The following NELL1 variants were observed in gnomAD, a reference collection of about 807,000 sequenced individuals.
The protein encoded by NELL1 is protein kinase C-binding protein NELL1.
Under a neutral mutation model 107.4 loss-of-function variants are expected in NELL1, and 76 were observed. The ratio of observed to expected loss-of-function variants is 0.71; its 90% CI spans 0.59 to 0.86. NELL1 has a LOEUF of 0.86. Among genes scored for constraint, NELL1 ranks in the 40% least tolerant of loss-of-function variants. The pLI is 0.00. For missense variants in NELL1, 1,024 were observed against 1,005.5 expected (o/e 1.02, Z -0.25); for synonymous variants, 353 against 341.2 (o/e 1.03, Z -0.38).
At chr11:20,722,119 C>T (rs1855405508) in intron 2 of NELL1, among the ~76,000 whole-genome samples, 2 of 150,994 alleles carry the variant, frequency 1.3e-5, no homozygotes, top group South Asian at 4.2e-4. Flanking sequence ...CTCCCAGGTT[C>T]AAGTGATCCT....
At chr11:21,362,939 T>C (rs769797801) in intron 14 of NELL1, among the ~76,000 whole-genome samples, 8 of 152,114 alleles carry the variant, frequency 5.3e-5, no homozygotes, top group Non-Finnish European at 8.8e-5. Flanking sequence ...TGCTGTGTTA[T>C]ATGGTTCATC....
rs936566577 is a variant in NELL1, at chr11:20,726,556, A to C, written c.184+48496A>C. Among the ~76,000 whole-genome samples the C allele has an allele frequency of 5.3e-5, 8 of 152,144 alleles. No individual in the cohort carries two copies. In the South Asian group the frequency reaches 6.2e-4, roughly 12 times the overall value. ...TCTTTGTTCCTGCTTTAAAAAAAAA[A>C]CACTCAATATTATGTTAATACAATC... is the stretch of plus-strand genomic sequence containing the variant. On this transcript the variant is annotated intron_variant, in intron 2 of 19. Transcript: ENST00000357134.
chr11:21,097,408 CA>C (rs912702290), intron 12 of NELL1, among the ~76,000 whole-genome samples: 30 of 152,156 alleles, frequency 2.0e-4, no homozygotes, highest in African/African-American at 7.2e-4. Flanking sequence ...CAAAGGACAC[CA>C]GGGGGTTTTT....
intron 12 of NELL1, among the ~76,000 whole-genome samples, chr11:21,020,813 G>A (rs569423824): frequency 6.6e-6 from 1 of 151,828 alleles, no homozygotes. Flanking sequence ...TCCCTTTCCT[G>A]CTCAGAAGAG....
At chr11:21,565,129 A>G (rs79905707) in intron 17 of NELL1, among the ~76,000 whole-genome samples, 1,677 of 152,018 alleles carry the variant, frequency 0.011, 29 homozygotes, top group African/African-American at 0.039. Flanking sequence ...TTTGAACCCA[A>G]CTAGCAGCAT....
At chr11:21,009,930 C>T (rs571140023) in intron 12 of NELL1, among the ~76,000 whole-genome samples, 1 of 143,494 alleles carries the variant, frequency 7.0e-6, no homozygotes, top group South Asian at 2.4e-4. Context: ...ACCATCAGCA[C>T]CCCCTCCCCC....
rs1564931191 is a variant in NELL1 at position 21,508,741 on chromosome 11, A to C, written c.1646-25633A>C. Among the ~76,000 whole-genome samples the C allele has an allele frequency of 3.3e-5, 5 of 152,104 alleles. No homozygotes were observed. The South Asian group carries it at 1.0e-3, about 31-fold the overall frequency. Reference sequence around the variant, plus strand: ...TTATGTTTAATGATATAAGAACAAAATATGAAGAATCATCTCAAATAGAAA... The same window carrying C: ...TTATGTTTAATGATATAAGAACAAACTATGAAGAATCATCTCAAATAGAAA... On this transcript the variant is annotated intron_variant, in intron 15 of 19. Transcript: ENST00000357134.
At chr11:20,854,765 C>T (rs1848851845) in intron 4 of NELL1, among the ~76,000 whole-genome samples, 3 of 152,148 alleles carry the variant, frequency 2.0e-5, no homozygotes, top group South Asian at 4.2e-4. Context: ...AGCTCGGTGA[C>T]CTACAAGACA....
intron 12 of NELL1, among the ~76,000 whole-genome samples, chr11:20,990,580 G>A (rs1468836748): frequency 6.6e-6 from 1 of 152,094 alleles, no homozygotes; most frequent in Non-Finnish European, 1.5e-5. Context: ...TTGCATAATA[G>A]ATACCCAGCT....
intron 12 of NELL1, among the ~76,000 whole-genome samples, chr11:20,991,202 C>T (rs547932065): frequency 6.6e-6 from 1 of 152,214 alleles, no homozygotes; most frequent in African/African-American, 2.4e-5. Flanking sequence ...TTCCCTGTCT[C>T]ATTATTCCTG....
intron 12 of NELL1, among the ~76,000 whole-genome samples, chr11:21,077,796 A>G (rs1249985030): frequency 1.3e-5 from 2 of 152,010 alleles, no homozygotes; most frequent in Non-Finnish European, 2.9e-5. Flanking sequence ...ATAAATAAAT[A>G]ACATATTACA....
intron 14 of NELL1, among the ~76,000 whole-genome samples, chr11:21,258,793 T>C (rs1012403403): frequency 5.3e-5 from 8 of 152,036 alleles, no homozygotes; most frequent in African/African-American, 1.4e-4. Flanking sequence ...TTACACTTTA[T>C]GAATCCATTT....
intron 13 of NELL1, among the ~76,000 whole-genome samples, chr11:21,147,103 G>A (rs1374502418): frequency 6.6e-6 from 1 of 152,174 alleles, no homozygotes; most frequent in East Asian, 1.9e-4. Context: ...GATGCATTAG[G>A]CTTCTAAAAG....
At chr11:21,222,268 C>T (rs1857776665) in intron 13 of NELL1, among the ~76,000 whole-genome samples, 3 of 152,134 alleles carry the variant, frequency 2.0e-5, no homozygotes, top group Admixed American at 2.0e-4. Context: ...CAAGCTCTGC[C>T]TCCCAGGTTC....
In NELL1 at chr11:20,960,529, C is replaced by T. The variant is rs577266633; in HGVS notation, c.1269C>T (p.Ile423=). 1 of 1,613,996 alleles carries T rather than the reference C, an allele frequency of 6.2e-7. No homozygotes were observed. Among genetic ancestry groups the T allele is most frequent in the Admixed American group, 1.7e-5 (1 of 60,004 alleles). The change falls in exon 12 of 20, where the codon ATC becomes ATT. Residue 423 remains isoleucine, a synonymous_variant. Coordinates refer to ENST00000357134, the MANE Select transcript of NELL1 (RefSeq NM_006157.5). ...CTTGTGAGTGCAAGAGTGGTTACATCTCTGTCCAGGGAGACTCTGCCTACT... is the reference window on the plus strand; with the variant it reads ...CTTGTGAGTGCAAGAGTGGTTACATTTCTGTCCAGGGAGACTCTGCCTACT... ...KATCECKSGY[I]SVQGDSAYCE...
intron 7 of NELL1, among the ~76,000 whole-genome samples, chr11:20,926,436 A>C (rs1213089366): frequency 1.3e-5 from 2 of 152,260 alleles, no homozygotes; most frequent in East Asian, 3.9e-4. Context: ...ATGAAAACCT[A>C]GGTATGGCAG....
intron 7 of NELL1, among the ~76,000 whole-genome samples, chr11:20,926,041 A>T (rs576296469): frequency 6.6e-6 from 1 of 152,180 alleles, no homozygotes; most frequent in Non-Finnish European, 1.5e-5. Flanking sequence ...CTGTATGGGG[A>T]AAGTACTTAA....
intron 5 of NELL1, among the ~76,000 whole-genome samples, chr11:20,900,857 C>T (rs1015745710): frequency 6.6e-6 from 1 of 151,770 alleles, no homozygotes; most frequent in East Asian, 1.9e-4. Context: ...AAATTGACTA[C>T]ATTAAAGGAG....
chr11:21,522,801 TTTTC>T (rs1435324661), intron 15 of NELL1, among the ~76,000 whole-genome samples: 1 of 151,852 alleles, frequency 6.6e-6, no homozygotes, highest in Admixed American at 6.6e-5. Context: ...TCTTTGCACA[TTTTC>T]TTTATCTTGA....
Sources: gnomAD v4.1 joint callset for allele counts (sites outside exome capture counted in the v4.1 genomes callset) on GRCh38, gnomAD v4.1.1 for gene constraint, MANE v1.5 for transcripts, NCBI Gene and HGNC (gene_info 2026-07-23, HGNC 2026-07-21) for gene names.